Variants in PTBP1 observed in about 807,000 individuals in gnomAD.
The protein encoded by PTBP1 is polypyrimidine tract-binding protein 1.
A neutral mutation model predicts 59.8 loss-of-function variants in PTBP1; 8 were observed. The ratio of observed to expected loss-of-function variants is 0.13; its 90% confidence interval spans 0.08 to 0.24. PTBP1 has a LOEUF of 0.24. Among genes scored for constraint, PTBP1 ranks in the 10% least tolerant of loss-of-function variants. PTBP1 has a pLI of 1.00. For missense variants in PTBP1, 686 were observed against 767.0 expected (o/e 0.89, Z 1.25); for synonymous variants, 490 against 320.7 (o/e 1.53, Z -5.64).
Position 802,208 on chromosome 19 carries a change from C to T in PTBP1, c.40-1353C>T, listed in dbSNP as rs143505959. On this transcript the variant is annotated intron_variant, in intron 2 of 14. Transcript: ENST00000356948. ...TCCTTGAGCAGGTGCCGGAGTCTCC[C>T]GAGGCTCTTGCCGTCCGCGTCGGGA... is the stretch of plus-strand genomic sequence containing the variant. 1.6e-3 allele frequency among the ~76,000 whole-genome samples: 245 copies of T among 152,310 alleles called. 1 individual carries two copies. Among genetic ancestry groups the T allele is most frequent in the African/African-American group, 5.4e-3 (223 of 41,566 alleles).
rs201480513 is a variant in PTBP1 at position 804,455 on chromosome 19, C to T, written c.435+17C>T. 82 of 1,606,602 alleles carry T rather than the reference C, an allele frequency of 5.1e-5. No individual in the cohort carries two copies. Among genetic ancestry groups the T allele is most frequent in the African/African-American group, 3.7e-4 (28 of 74,968 alleles). The stretch of plus-strand genomic sequence containing the variant: ...AACCAGGCGGTGCGTGGCCCCGCGG[C>T]GGACCCCAGCAGCCCGGGGACCTCG... On this transcript the variant is annotated intron_variant, in intron 5 of 14. Transcript: ENST00000356948.
chr19:804,045 A>C lies in PTBP1; in HGVS notation c.125A>C (p.Asn42Thr), dbSNP rs769915654. ...SSNSASAANG[N>T]DSKKFKGDSR... ...GGCACCCCCTTTTCAGCAAACGGAAATGACAGCAAGAAGTTCAAAGGTGAC... is the reference window on the plus strand; with the variant it reads ...GGCACCCCCTTTTCAGCAAACGGAACTGACAGCAAGAAGTTCAAAGGTGAC... The change falls in exon 4 of 15, where the codon AAT becomes ACT. Residue 42 changes from asparagine to threonine, a missense_variant. Asn to Thr is a moderately conservative substitution (Grantham distance 65, BLOSUM62 0). Coordinates refer to ENST00000356948, the MANE Select transcript of PTBP1 (RefSeq NM_002819.5). 4 of 1,613,900 alleles carry C rather than the reference A, an allele frequency of 2.5e-6. No homozygotes were observed. The highest frequency in any genetic ancestry group is 3.4e-6 in the Non-Finnish European group (4 of 1,179,998).
At chr19:806,122 T>G in intron 9 of PTBP1, 1 of 358,352 alleles carries the variant, frequency 2.8e-6, no homozygotes. Context: ...GCCCCGTGTC[T>G]GTGCTGGCGG....
In PTBP1 at chr19:804,573, G is replaced by C. The variant is rs772250465; in HGVS notation, c.477G>C (p.Ser159=). Residue 159 remains serine (S), a synonymous_variant, in exon 6 of 15, where the codon TCG becomes TCC. Coordinates refer to ENST00000356948, the MANE Select transcript of PTBP1 (RefSeq NM_002819.5). ...TGCAGGCGGTGAACTCGGTCCAGTC[G>C]GGGAACCTGGCCTTGGCTGCCTCGG... ...AALQAVNSVQ[S]GNLALAASAA... The C allele has an allele frequency of 6.2e-7, 1 of 1,609,622 alleles. No individual in the cohort carries two copies. The highest frequency in any genetic ancestry group is 8.5e-7 in the Non-Finnish European group (1 of 1,179,260).
At chr19:797,576 C>A (rs954015815) in intron 1 of PTBP1, 71 bp downstream of exon 1, 16 of 1,179,112 alleles carry the variant, frequency 1.4e-5, no homozygotes, top group Non-Finnish European at 1.6e-5. Flanking sequence ...GCCGCGCCGG[C>A]CTCCCCGGGG....
At chr19:801,459 GGCAGGCGGCCAAGAGGACC>G (rs2034330160) in intron 2 of PTBP1, among the ~76,000 whole-genome samples, 1 of 152,266 alleles carries the variant, frequency 6.6e-6, no homozygotes, top group South Asian at 2.1e-4. Context: ...TAGGGCTTCA[GGCAGGCGGCCAAGAGGACC>G]GCTCAGAGGA....
chr19:798,368 C>G (rs1052083919), intron 1 of PTBP1: 2 of 152,298 alleles, frequency 1.3e-5, no homozygotes, highest in African/African-American at 4.8e-5. Context: ...GAGGCCCTCC[C>G]TGGGAATAGG....
Position 808,736 on chromosome 19 carries a change from G to C in PTBP1, c.1437G>C (p.Ser479=), listed in dbSNP as rs376291058. ...SKNFQNIFPP[S]ATLHLSNIPP... is the part of the protein sequence containing the mutation. ...ACTTCCAGAACATATTCCCGCCCTCGGCCACGCTGCACCTCTCCAACATCC... is the reference window on the plus strand; with the variant it reads ...ACTTCCAGAACATATTCCCGCCCTCCGCCACGCTGCACCTCTCCAACATCC... Residue 479 remains serine (S), a synonymous_variant, in exon 13 of 15, where the codon TCG becomes TCC. Transcript: ENST00000356948. This position sits in a 1 kb window ranked among gnomAD's most constrained non-coding sequence, Gnocchi z 4.7. The C allele has an allele frequency of 1.2e-6, 2 of 1,612,638 alleles. No homozygotes were observed. The highest frequency in any genetic ancestry group is 1.7e-6 in the Non-Finnish European group (2 of 1,179,670).
At chr19:805,267 C>T (rs2034511303) in intron 8 of PTBP1, 80 bp downstream of exon 8, 1 of 1,502,526 alleles carries the variant, frequency 6.7e-7, no homozygotes, top group Middle Eastern at 2.3e-4. Context: ...GCGGCACGGG[C>T]CCGGCCCTGC....
rs1243483257 is a variant in PTBP1, at chr19:812,100, T to C, written c.*1274T>C. 1.3e-5 allele frequency: 2 copies of C among 152,384 alleles called. No individual in the cohort carries two copies. The highest frequency in any genetic ancestry group is 4.8e-5 in the African/African-American group (2 of 41,440). 9.4% of individuals were successfully genotyped at this position (152,384 alleles called of 1,614,324 possible). ...ATGGTGACACAAATGTATATTTTGC[T>C]AACAGCAATTCCAGGCTCAGTATTG... On this transcript the variant is annotated 3_prime_UTR_variant, in exon 15 of 15. Transcript: ENST00000356948.
At chr19:805,603 C>G (rs1308848240) in intron 9 of PTBP1, 34 bp downstream of exon 9, 2 of 1,554,872 alleles carry the variant, frequency 1.3e-6, no homozygotes, top group Non-Finnish European at 1.8e-6. Flanking sequence ...TCCCCAGCGA[C>G]TGCATGCCCA....
Position 807,894 on chromosome 19 carries a change from T to C in PTBP1, c.1145T>C (p.Ile382Thr). ...AGAGTCACACCCCAAAGCCTCTTTA[T>C]TCTTTTCGGTATGTTATCGTTCACA... ...PERVTPQSLF[I>T]LFGVYGDVQR... is the part of the protein sequence containing the mutation. Residue 382 changes from isoleucine (I) to threonine (T), a missense_variant, in exon 11 of 15, where the codon ATT becomes ACT. Transcript: ENST00000356948. 6.2e-7 allele frequency: 1 copy of C among 1,613,100 alleles called. No homozygotes were observed. Among genetic ancestry groups the C allele is most frequent in the Non-Finnish European group, 8.5e-7 (1 of 1,179,088 alleles).
In PTBP1 at chr19:808,347, T is replaced by G. The variant is rs1599239905; in HGVS notation, c.1154-13T>G. On this transcript the variant is annotated splice_polypyrimidine_tract_variant and intron_variant, in intron 11 of 14. Transcript: ENST00000356948. This position sits in a 1 kb window ranked among gnomAD's most constrained non-coding sequence, Gnocchi z 4.7. ...CAGCAGGAGACTCAGGCCCCATCCC[T>G]GGGCTTTTGAAGGCGTCTACGGTGA... 6.3e-7 allele frequency: 1 copy of G among 1,585,354 alleles called. No individual in the cohort carries two copies. Among genetic ancestry groups the G allele is most frequent in the Admixed American group, 1.8e-5 (1 of 56,440 alleles).
At chr19:801,950 G>C (rs1599222119) in intron 2 of PTBP1, among the ~76,000 whole-genome samples, 1 of 152,326 alleles carries the variant, frequency 6.6e-6, no homozygotes, top group East Asian at 1.9e-4. Context: ...CGGAACCTCA[G>C]GGCCGCCGTG....
chr19:798,103 C>A (rs956548072), intron 1 of PTBP1, among the ~76,000 whole-genome samples: 11 of 151,698 alleles, frequency 7.3e-5, no homozygotes, highest in Admixed American at 3.3e-4. Context: ...CCTACCCCTG[C>A]CCCCCGTGCG....
Position 808,832 on chromosome 19 carries a change from T to C in PTBP1, c.1463+70T>C. On this transcript the variant is annotated intron_variant, in intron 13 of 14. Transcript: ENST00000356948. The surrounding 1 kb of genome is among the most constrained non-coding windows in gnomAD (Gnocchi z 4.7). ...GGCTCTGCTTGGCTGTCCTACCGCG[T>C]CGGTGTGTGGACTTCTGGCGTTTCC... 3.5e-6 allele frequency: 5 copies of C among 1,435,560 alleles called. No homozygotes were observed. The highest frequency in any genetic ancestry group is 4.8e-6 in the Non-Finnish European group (5 of 1,042,526). The allele number at this position is 1,435,560 out of a possible 1,614,324, so 88.9% of individuals were successfully genotyped here. A position where few individuals can be genotyped will look rare whatever the true frequency, so the allele number is the denominator to read the frequency against.
At chr19:805,697 G>A in intron 9 of PTBP1, 128 bp downstream of exon 9, 1 of 801,836 alleles carries the variant, frequency 1.2e-6, no homozygotes, top group Admixed American at 1.9e-5. Flanking sequence ...GGCCCTTCCC[G>A]GGAGAGGGGA....
At position 804,142 on chromosome 19, in the gene PTBP1, A is replaced by G. The variant is rs61757783; in HGVS notation, c.222A>G (p.Glu74=). ...RKLPIDVTEG[E]VISLGLPFGK... is the part of the protein sequence containing the mutation. The stretch of plus-strand genomic sequence containing the variant: ...TCCCCATCGACGTCACGGAGGGGGA[A>G]GTCATCTCCCTGGGGCTGCCCTTTG... The change falls in exon 4 of 15, where the codon GAA becomes GAG. Residue 74 remains glutamate (E), a synonymous_variant. Transcript: ENST00000356948. 22,054 of 1,613,774 alleles carry G rather than the reference A, an allele frequency of 0.014. 168 individuals carry two copies. The highest frequency in any genetic ancestry group is 0.016 in the Non-Finnish European group (19,371 of 1,179,794).
intron 1 of PTBP1, among the ~76,000 whole-genome samples, chr19:799,048 T>A (rs116683451): frequency 2.6e-5 from 4 of 152,374 alleles, no homozygotes; most frequent in African/African-American, 9.6e-5. Context: ...CGTTTCCAAC[T>A]TACTGGAAAG....
Sources: gnomAD v4.1 joint callset for allele counts (sites outside exome capture counted in the v4.1 genomes callset) on GRCh38, gnomAD v4.1.1 for gene constraint, Gnocchi (gnomAD v3.1) non-coding constraint, MANE v1.5 for transcripts, NCBI Gene and HGNC (gene_info 2026-07-23, HGNC 2026-07-21) for gene names.